The following CD200R1L variants were observed in gnomAD, a reference collection of about 807,000 sequenced individuals.
CD200R1L encodes cell surface glycoprotein CD200 receptor 2.
A neutral mutation model predicts 24.8 loss-of-function variants in CD200R1L; 14 were observed. The ratio of observed to expected loss-of-function variants is 0.56; its 90% CI spans 0.37 to 0.88. The LOEUF is 0.88. Among genes scored for constraint, CD200R1L ranks in the 40% least tolerant of loss-of-function variants. The pLI is 0.00. For synonymous variants in CD200R1L, 111 were observed against 109.2 expected (o/e 1.02, Z -0.11); for missense variants, 299 against 297.8 (o/e 1.00, Z -0.03).
intron 6 of CD200R1L, among the ~76,000 whole-genome samples, chr3:112,821,111 G>A (rs1177534451): frequency 1.3e-5 from 2 of 148,964 alleles, no homozygotes; most frequent in African/African-American, 2.5e-5. Context: ...GCCACCTAAA[G>A]AATGTGTGAA....
intron 2 of CD200R1L, chr3:112,841,118 G>A (rs1160566439): frequency 1.4e-5 from 3 of 214,254 alleles, no homozygotes; most frequent in African/African-American, 7.0e-5. Flanking sequence ...GTGATCCTGA[G>A]TGGGGCCTGG....
At chr3:112,824,594 T>C (rs964045663) in intron 6 of CD200R1L, among the ~76,000 whole-genome samples, 3 of 152,044 alleles carry the variant, frequency 2.0e-5, no homozygotes, top group African/African-American at 7.2e-5. Context: ...ATTCATGAGA[T>C]GAATAGAAGA....
At position 112,827,532 on chromosome 3, in the gene CD200R1L, T is replaced by G; in HGVS notation, c.202A>C (p.Lys68Gln). 1 of 1,614,222 alleles carries G rather than the reference T, an allele frequency of 6.2e-7. No homozygotes were observed. The highest frequency in any genetic ancestry group is 8.5e-7 in the Non-Finnish European group (1 of 1,180,040). ...CTCTCAACAGTACAGTTGGTTTCCT[T>G]GGTCTCATTTGTTTCTTTCTTGTAG... is the stretch of plus-strand genomic sequence containing the variant. The part of the protein sequence containing the change: ...KAYKKETNET[K>Q]ETNCTVERIT... The change falls in exon 5 of 8, where the codon AAG (lysine) becomes CAG (glutamine). Residue 68 changes from lysine to glutamine, a missense_variant. By Grantham distance (53) the Lys-to-Gln change is moderately conservative. Coordinates refer to ENST00000488794, the MANE Select transcript of CD200R1L (RefSeq NM_001199215.3).
Position 112,819,826 on chromosome 3 carries a change from A to G in CD200R1L, c.686T>C (p.Val229Ala). 1 of 1,612,134 alleles carries G rather than the reference A, an allele frequency of 6.2e-7. No homozygotes were observed. Among genetic ancestry groups the G allele is most frequent in the South Asian group, 1.1e-5 (1 of 90,586 alleles). The part of the protein sequence containing the change: ...IILYVKLSLF[V>A]VILVTTGFVF... ...AAATCCTGTGGTGACCAGAATGACC[A>G]CAAAAAGAGAGAGTTTCACATAAAG... Residue 229 changes from valine (V) to alanine (A), a missense_variant, in exon 7 of 8, where the codon GTG becomes GCG. By Grantham distance (64) the Val-to-Ala change is moderately conservative. Coordinates refer to ENST00000488794, the MANE Select transcript of CD200R1L (RefSeq NM_001199215.3).
intron 2 of CD200R1L, among the ~76,000 whole-genome samples, chr3:112,843,806 T>C (rs1369982470): frequency 1.3e-5 from 2 of 151,810 alleles, no homozygotes; most frequent in Non-Finnish European, 2.9e-5. Context: ...CAGAGACCTA[T>C]CTCACACAGA....
At chr3:112,825,230 C>T (rs9876815) in intron 6 of CD200R1L, among the ~76,000 whole-genome samples, 4,025 of 146,788 alleles carry the variant, frequency 0.027, 187 homozygotes, top group African/African-American at 0.093. Context: ...CAGAGCGAGA[C>T]TCTGTCTCAA....
intron 3 of CD200R1L, among the ~76,000 whole-genome samples, chr3:112,836,206 G>A (rs1030885313): frequency 5.3e-5 from 8 of 152,146 alleles, no homozygotes; most frequent in Non-Finnish European, 2.9e-5. Context: ...TCGCAGACAC[G>A]GAGCACAGAG....
chr3:112,837,990 G>A lies in CD200R1L; in HGVS notation c.-66C>T. The A allele has an allele frequency of 1.6e-6, 2 of 1,239,530 alleles. No individual in the cohort carries two copies. Among genetic ancestry groups the A allele is most frequent in the South Asian group, 2.7e-5 (2 of 72,930 alleles). 76.8% of individuals were successfully genotyped at this position (1,239,530 alleles called of 1,614,324 possible). The stretch of plus-strand genomic sequence containing the variant: ...CTTTGTATTTCCAGTTGTGTCATCA[G>A]ACAGGAATTATTATCTGAGGCTAGA... On this transcript the variant is annotated 5_prime_UTR_variant, in exon 3 of 8. Transcript: ENST00000488794.
Position 112,837,994 on chromosome 3 carries a change from GGAATTATTA to G in CD200R1L, c.-79_-71del. On this transcript the variant is annotated 5_prime_UTR_variant, in exon 3 of 8. Coordinates refer to ENST00000488794, the MANE Select transcript of CD200R1L (RefSeq NM_001199215.3). Reference sequence around the variant, plus strand: ...GTATTTCCAGTTGTGTCATCAGACAGGAATTATTATCTGAGGCTAGAAAATATTTAAAGA... The same window carrying G: ...GTATTTCCAGTTGTGTCATCAGACAGTCTGAGGCTAGAAAATATTTAAAGA... 3 of 1,237,446 alleles carry G rather than the reference GGAATTATTA, an allele frequency of 2.4e-6. No homozygotes were observed. The highest frequency in any genetic ancestry group is 3.1e-6 in the Non-Finnish European group (3 of 964,664). The allele number at this position is 1,237,446 out of a possible 1,614,324, so 76.7% of individuals were successfully genotyped here.
chr3:112,841,003 C>G (rs1170550235), intron 2 of CD200R1L, among the ~76,000 whole-genome samples: 1 of 152,060 alleles, frequency 6.6e-6, no homozygotes, highest in Non-Finnish European at 1.5e-5. Flanking sequence ...CTCCTTAATC[C>G]CAATCAGGGA....
intron 6 of CD200R1L, among the ~76,000 whole-genome samples, chr3:112,822,799 T>A (rs1376401964): frequency 6.6e-6 from 1 of 152,238 alleles, no homozygotes; most frequent in Non-Finnish European, 1.5e-5. Flanking sequence ...AACAAGCAGC[T>A]ATGACCTAGG....
chr3:112,818,824 TG>T (rs147786691), intron 7 of CD200R1L: 6,687 of 154,542 alleles, frequency 0.043, 206 homozygotes, highest in African/African-American at 0.085. Context: ...GCATTTATGA[TG>T]GCAGGCACGA....
chr3:112,844,808 C>T (rs1939164075), intron 2 of CD200R1L, among the ~76,000 whole-genome samples: 1 of 152,066 alleles, frequency 6.6e-6, no homozygotes, highest in South Asian at 2.1e-4. Context: ...CCTGTAATCC[C>T]AGCTACTCAG....
intron 7 of CD200R1L, among the ~76,000 whole-genome samples, chr3:112,818,021 G>A (rs1272211433): frequency 6.6e-6 from 1 of 152,180 alleles, no homozygotes; most frequent in Non-Finnish European, 1.5e-5. Context: ...TCACTATCAT[G>A]AGAATAGCAC....
At chr3:112,839,098 C>T (rs1232768058) in intron 2 of CD200R1L, among the ~76,000 whole-genome samples, 2 of 152,088 alleles carry the variant, frequency 1.3e-5, no homozygotes, top group African/African-American at 4.8e-5. Flanking sequence ...AATATACATA[C>T]TTTCCATACT....
chr3:112,835,143 G>C (rs1938904466), intron 3 of CD200R1L, among the ~76,000 whole-genome samples: 1 of 152,184 alleles, frequency 6.6e-6, no homozygotes, highest in Non-Finnish European at 1.5e-5. Flanking sequence ...CCTGTGACCA[G>C]GAAGAATGAG....
At chr3:112,823,153 C>A (rs958929236) in intron 6 of CD200R1L, among the ~76,000 whole-genome samples, 1 of 152,194 alleles carries the variant, frequency 6.6e-6, no homozygotes, top group African/African-American at 2.4e-5. Context: ...CCTATATAAG[C>A]AAGACCTTAA....
intron 7 of CD200R1L, among the ~76,000 whole-genome samples, chr3:112,816,463 A>C (rs897782453): frequency 1.3e-5 from 2 of 152,228 alleles, no homozygotes; most frequent in African/African-American, 4.8e-5. Flanking sequence ...TTTGTTGGCC[A>C]AAGCAAACTG....
At chr3:112,831,661 A>C (rs1938803009) in intron 3 of CD200R1L, among the ~76,000 whole-genome samples, 1 of 152,252 alleles carries the variant, frequency 6.6e-6, no homozygotes, top group Non-Finnish European at 1.5e-5. Context: ...CAGGGAAAGC[A>C]CCATGTAAAA....
Sources: allele counts gnomAD v4.1 joint callset (sites outside exome capture counted in the v4.1 genomes callset), GRCh38; gene constraint gnomAD v4.1.1; transcripts MANE v1.5; gene names NCBI Gene and HGNC (gene_info 2026-07-23, HGNC 2026-07-21).